MAP2K4: variants seen among roughly 807,000 people sequenced by gnomAD.
MAP2K4 encodes dual specificity mitogen-activated protein kinase kinase 4.
Under a neutral mutation model 48.5 loss-of-function variants are expected in MAP2K4, and 4 were observed. The ratio of observed to expected loss-of-function variants is 0.08; its 90% CI spans 0.04 to 0.19. MAP2K4 has a LOEUF of 0.19. Among genes scored for constraint, MAP2K4 ranks in the 10% least tolerant of loss-of-function variants. MAP2K4 has a pLI of 1.00. For missense variants in MAP2K4, 258 were observed against 493.3 expected (o/e 0.52, Z 4.52); for synonymous variants, 166 against 173.1 (o/e 0.96, Z 0.32).
At chr17:12,067,076 C>T (rs1265387626) in intron 2 of MAP2K4, among the ~76,000 whole-genome samples, 1 of 152,202 alleles carries the variant, frequency 6.6e-6, no homozygotes, top group African/African-American at 2.4e-5. Flanking sequence ...CCCACCTCGG[C>T]CTCCCAAAGT....
At chr17:12,033,140 A>G (rs1230814920) in intron 1 of MAP2K4, among the ~76,000 whole-genome samples, 1 of 152,194 alleles carries the variant, frequency 6.6e-6, no homozygotes, top group Non-Finnish European at 1.5e-5. Context: ...CCGGCCAAAA[A>G]AAAAATGCAT....
At chr17:12,063,089 A>G (rs1001664667) in intron 2 of MAP2K4, among the ~76,000 whole-genome samples, 4 of 152,210 alleles carry the variant, frequency 2.6e-5, no homozygotes, top group African/African-American at 9.6e-5. Context: ...GTGAAATCCC[A>G]TCAGACTTTT....
intron 2 of MAP2K4, among the ~76,000 whole-genome samples, chr17:12,076,768 T>C (rs1339283192): frequency 1.3e-5 from 2 of 152,152 alleles, no homozygotes; most frequent in East Asian, 3.9e-4. Flanking sequence ...AACTGTTAAG[T>C]CTCTGGGAAC....
At chr17:12,023,281 GTTTGT>G (rs1168753345) in intron 1 of MAP2K4, among the ~76,000 whole-genome samples, 1 of 151,990 alleles carries the variant, frequency 6.6e-6, no homozygotes, top group Non-Finnish European at 1.5e-5. Context: ...CTTCTTTTTG[GTTTGT>G]TTTGTTCTGT....
chr17:12,092,622 C>A (rs1378191663), intron 3 of MAP2K4, among the ~76,000 whole-genome samples: 1 of 152,188 alleles, frequency 6.6e-6, no homozygotes, highest in Non-Finnish European at 1.5e-5. Flanking sequence ...CTATTATAGG[C>A]ATGTGTTTGT....
Position 12,088,458 on chromosome 17 carries a change from T to TTAAATATATTAAA in MAP2K4, c.393+6930_393+6931insAATATATTAAATA, listed in dbSNP as rs558976549. On this transcript the variant is annotated intron_variant, in intron 3 of 10. Coordinates refer to ENST00000353533, the MANE Select transcript of MAP2K4 (RefSeq NM_003010.4). ...TATTACATATAATATATATTAAATATTATACAATATTAAATATAATATTAA... is the reference window on the plus strand; with the variant it reads ...TATTACATATAATATATATTAAATATTAAATATATTAAATATACAATATTAAATATAATATTAA... 1.6e-3 allele frequency among the ~76,000 whole-genome samples: 225 copies of TTAAATATATTAAA among 140,230 alleles called. 1 individual carries two copies. The highest frequency in any genetic ancestry group is 4.3e-3 in the African/African-American group (164 of 38,446). The allele number at this position is 140,230 out of a possible 152,430, so 92.0% of individuals were successfully genotyped here.
chr17:12,074,042 G>T (rs545538134), intron 2 of MAP2K4, among the ~76,000 whole-genome samples: 4 of 152,266 alleles, frequency 2.6e-5, no homozygotes, highest in African/African-American at 9.6e-5. Context: ...AAAGTGCGGG[G>T]ACTACAGGTG....
chr17:12,083,940 T>C (rs1286456526), intron 3 of MAP2K4, among the ~76,000 whole-genome samples: 1 of 152,214 alleles, frequency 6.6e-6, no homozygotes, highest in Non-Finnish European at 1.5e-5. Flanking sequence ...AGAAACACGC[T>C]TGAAGTAACT....
intron 1 of MAP2K4, among the ~76,000 whole-genome samples, chr17:12,022,116 A>G (rs1969095516): frequency 6.6e-6 from 1 of 152,216 alleles, no homozygotes; most frequent in Non-Finnish European, 1.5e-5. Flanking sequence ...TTTTGATTCC[A>G]TTCCTCTTAA....
intron 3 of MAP2K4, among the ~76,000 whole-genome samples, chr17:12,085,574 A>T (rs1971334373): frequency 6.6e-6 from 1 of 151,878 alleles, no homozygotes; most frequent in South Asian, 2.1e-4. Flanking sequence ...CCTCAGCTCT[A>T]CCCTTTCACC....
chr17:12,101,700 T>C lies in MAP2K4; in HGVS notation c.513+6006T>C, dbSNP rs1428599022. Among the ~76,000 whole-genome samples the C allele has an allele frequency of 2.6e-5, 4 of 152,276 alleles. No homozygotes were observed. The East Asian group carries it at 5.8e-4, about 22-fold the overall frequency. ...TATTATTTTACATCTTCTTTAATTTTTCTCAGCAATATTTTATAGTTTTCG... is the reference window on the plus strand; with the variant it reads ...TATTATTTTACATCTTCTTTAATTTCTCTCAGCAATATTTTATAGTTTTCG... On this transcript the variant is annotated intron_variant, in intron 4 of 10. Coordinates refer to ENST00000353533, the MANE Select transcript of MAP2K4 (RefSeq NM_003010.4).
At chr17:12,134,809 CAGG>C (rs1210235945) in intron 9 of MAP2K4, among the ~76,000 whole-genome samples, 1 of 152,206 alleles carries the variant, frequency 6.6e-6, no homozygotes, top group Non-Finnish European at 1.5e-5. Flanking sequence ...ACAGCTATAA[CAGG>C]AGGAATGTGG....
At chr17:12,065,341 C>T (rs1417907044) in intron 2 of MAP2K4, among the ~76,000 whole-genome samples, 1 of 147,560 alleles carries the variant, frequency 6.8e-6, no homozygotes, top group Non-Finnish European at 1.5e-5. Context: ...CTCTGTCATC[C>T]AGGCTGGAGT....
intron 2 of MAP2K4, among the ~76,000 whole-genome samples, chr17:12,074,739 A>G (rs1463396836): frequency 1.3e-5 from 2 of 152,090 alleles, no homozygotes; most frequent in African/African-American, 4.8e-5. Flanking sequence ...TGGTCTCCCT[A>G]GATTCCCAGA....
chr17:12,035,011 T>C (rs1310711408), intron 1 of MAP2K4, among the ~76,000 whole-genome samples: 1 of 152,174 alleles, frequency 6.6e-6, no homozygotes, highest in Non-Finnish European at 1.5e-5. Context: ...TAGCCCTAAA[T>C]TGACAGTATT....
chr17:12,115,684 A>G lies in MAP2K4; in HGVS notation c.813+2324A>G, dbSNP rs1007243759. On this transcript the variant is annotated intron_variant, in intron 7 of 10. Coordinates refer to ENST00000353533, the MANE Select transcript of MAP2K4 (RefSeq NM_003010.4). ...AAGTGAACCAGTGGAACACAAATGT[A>G]GTAGAACAAACTTCAAGCCAACTCA... 1.2e-5 allele frequency: 9 copies of G among 757,772 alleles called. No homozygotes were observed. The African/African-American group carries it at 1.4e-4, about 11-fold the overall frequency. 46.9% of individuals were successfully genotyped at this position (757,772 alleles called of 1,614,324 possible). A position where few individuals can be genotyped will look rare whatever the true frequency, so the allele number is the denominator to read the frequency against.
chr17:12,119,283 G>A (rs1972599710), intron 7 of MAP2K4, among the ~76,000 whole-genome samples: 1 of 152,112 alleles, frequency 6.6e-6, no homozygotes, highest in African/African-American at 2.4e-5. Flanking sequence ...GCATCTATAA[G>A]GAACTTAAAT....
intron 3 of MAP2K4, among the ~76,000 whole-genome samples, chr17:12,089,521 T>C (rs1971493546): frequency 6.6e-6 from 1 of 152,222 alleles, no homozygotes; most frequent in African/African-American, 2.4e-5. Context: ...ATTCGTTACC[T>C]TGCTGAGTTT....
chr17:12,057,396 A>G (rs112457965), intron 2 of MAP2K4, among the ~76,000 whole-genome samples: 6 of 152,106 alleles, frequency 3.9e-5, no homozygotes, highest in African/African-American at 1.4e-4. Context: ...CCATGTGTAG[A>G]TCTGTTTAAT....
Sources: gnomAD v4.1 joint callset for allele counts (sites outside exome capture counted in the v4.1 genomes callset) on GRCh38, gnomAD v4.1.1 for gene constraint, MANE v1.5 for transcripts, NCBI Gene and HGNC (gene_info 2026-07-23, HGNC 2026-07-21) for gene names.